The following PCDHGA3 variants were observed in gnomAD, a reference collection of about 807,000 sequenced individuals.
PCDHGA3 encodes protocadherin gamma-A3.
Under a neutral mutation model 58.5 loss-of-function variants are expected in PCDHGA3, and 40 were observed. That is an observed-to-expected ratio of 0.68 (90% CI 0.53 to 0.89). The LOEUF (loss-of-function observed/expected upper bound fraction) is 0.89, where lower values mean the gene tolerates loss of function less well. Ranked by LOEUF, PCDHGA3 falls within the 40% of genes least tolerant of loss-of-function variation. The pLI, the probability that PCDHGA3 is intolerant of heterozygous loss-of-function variation, is 0.00. For missense variants in PCDHGA3, 1,223 were observed against 1,195.9 expected, an observed-to-expected ratio of 1.02 and a Z score of -0.33; for synonymous variants, 530 against 525.7, an observed-to-expected ratio of 1.01 and a Z score of -0.11.
At chr5:141,454,344 G>A (rs1455147295) in intron 1 of PCDHGA3, among the ~76,000 whole-genome samples, 3 of 152,236 alleles carry the variant, frequency 2.0e-5, no homozygotes, top group Non-Finnish European at 4.4e-5. Flanking sequence ...AATGTTGGAA[G>A]TTGATCCAAA....
chr5:141,399,797 G>T, intron 1 of PCDHGA3: 2 of 1,613,192 alleles, frequency 1.2e-6, no homozygotes, highest in Non-Finnish European at 8.5e-7. Context: ...AACGCACCGC[G>T]GGTGCTGTAC....
At chr5:141,366,695 G>A (rs1764747221) in intron 1 of PCDHGA3, 2 of 1,614,238 alleles carry the variant, frequency 1.2e-6, no homozygotes, top group Non-Finnish European at 8.5e-7. Context: ...TGAGAAAAGC[G>A]AGCCTCTTCT....
chr5:141,423,574 C>T (rs953989787), intron 1 of PCDHGA3: 2 of 1,613,328 alleles, frequency 1.2e-6, no homozygotes, highest in Non-Finnish European at 1.7e-6. Flanking sequence ...GCTCATCAGC[C>T]AGGAGAGCTG....
At chr5:141,407,535 T>C (rs1471174995) in intron 1 of PCDHGA3, among the ~76,000 whole-genome samples, 1 of 151,840 alleles carries the variant, frequency 6.6e-6, no homozygotes, top group Non-Finnish European at 1.5e-5. Context: ...TTATTGTGCA[T>C]TGGTAACAGA....
At chr5:141,355,767 T>G (rs1267055965) in intron 1 of PCDHGA3, 2 of 1,613,898 alleles carry the variant, frequency 1.2e-6, no homozygotes, top group East Asian at 4.5e-5. Context: ...CCGATGGGAT[T>G]AAGTACCCAG....
chr5:141,361,524 GA>G, intron 1 of PCDHGA3: 1 of 1,614,056 alleles, frequency 6.2e-7, no homozygotes, highest in Non-Finnish European at 8.5e-7. Context: ...ACGTGGCAGA[GA>G]ACAATCCTCC....
At chr5:141,433,253 G>C (rs1288721469) in intron 1 of PCDHGA3, 1 of 1,416,466 alleles carries the variant, frequency 7.1e-7, no homozygotes, top group East Asian at 2.3e-5. Flanking sequence ...GAATGCAGCG[G>C]TACGATCATA....
intron 1 of PCDHGA3, chr5:141,372,498 C>A: frequency 6.2e-7 from 1 of 1,614,054 alleles, no homozygotes; most frequent in Admixed American, 1.7e-5. Context: ...GATCTCAGTG[C>A]TCTTCCTCCT....
At chr5:141,395,815 A>T (rs1243382510) in intron 1 of PCDHGA3, 1 of 152,044 alleles carries the variant, frequency 6.6e-6, no homozygotes, top group Non-Finnish European at 1.5e-5. Context: ...AAACATGAAC[A>T]AACTTTAAAG....
At position 141,345,887 on chromosome 5, in the gene PCDHGA3, G is replaced by A. The variant is rs749950943; in HGVS notation, c.1854G>A (p.Ser618=). ...LLKASEPGLF[S]VGLHTGEVRT... ...AGGCCAGCGAGCCGGGACTCTTCTC[G>A]GTGGGTCTGCACACGGGCGAGGTGC... The change falls in exon 1 of 4, where the codon TCG becomes TCA. Residue 618 remains serine, a synonymous_variant. Coordinates refer to ENST00000253812, the MANE Select transcript of PCDHGA3 (RefSeq NM_018916.4). 2.5e-6 allele frequency: 4 copies of A among 1,613,292 alleles called. No homozygotes were observed. The highest frequency in any genetic ancestry group is 3.3e-5 in the Admixed American group (2 of 59,974).
chr5:141,430,795 G>T (rs918154748), intron 1 of PCDHGA3: 7 of 1,522,458 alleles, frequency 4.6e-6, no homozygotes, highest in Non-Finnish European at 6.2e-6. Flanking sequence ...ACTACAAAGG[G>T]CTTGTCCTGC....
chr5:141,470,650 T>C (rs2099235744), intron 1 of PCDHGA3, among the ~76,000 whole-genome samples: 1 of 152,184 alleles, frequency 6.6e-6, no homozygotes, highest in Non-Finnish European at 1.5e-5. Context: ...TGAAGGCCCC[T>C]ACCCTTTGGT....
chr5:141,425,057 C>T (rs926732426), intron 1 of PCDHGA3, among the ~76,000 whole-genome samples: 4 of 152,026 alleles, frequency 2.6e-5, no homozygotes, highest in African/African-American at 4.8e-5. Flanking sequence ...ATCTAGGGCT[C>T]GGACAAAAAT....
At chr5:141,429,045 G>C (rs919761577) in intron 1 of PCDHGA3, 15 of 151,954 alleles carry the variant, frequency 9.9e-5, no homozygotes, top group African/African-American at 2.9e-4. Context: ...TAGTACAGAC[G>C]GGGTTTCACC....
intron 1 of PCDHGA3, chr5:141,395,843 A>T (rs570175269): frequency 2.0e-5 from 3 of 152,044 alleles, no homozygotes; most frequent in Non-Finnish European, 4.4e-5. Flanking sequence ...TTGGTGGGAG[A>T]TGAGACTGGT....
rs145569377 is a variant in PCDHGA3 at position 141,455,860 on chromosome 5, ATTATTTATTTATTTATTTATTTATTTAT to A, written c.2425-38920_2425-38893del. Among the ~76,000 whole-genome samples the A allele has an allele frequency of 5.0e-5, 7 of 139,848 alleles. No individual in the cohort carries two copies. The South Asian group carries it at 9.2e-4, about 18-fold the overall frequency. 91.7% of individuals were successfully genotyped at this position (139,848 alleles called of 152,430 possible). On this transcript the variant is annotated intron_variant, in intron 1 of 3. Transcript: ENST00000253812. ...CTATCTGCATAAAATAATTTCTTTT[ATTATTTATTTATTTATTTATTTATTTAT>A]TTATTTATTTATTTATTTATTTATT...
intron 1 of PCDHGA3, chr5:141,362,538 C>T (rs1762553339): frequency 6.2e-7 from 1 of 1,613,736 alleles, no homozygotes; most frequent in South Asian, 1.1e-5. Context: ...TCCCTTTTGC[C>T]TCAGATACTA....
intron 1 of PCDHGA3, chr5:141,355,353 C>A (rs1329222262): frequency 6.2e-7 from 1 of 1,614,006 alleles, no homozygotes; most frequent in Non-Finnish European, 8.5e-7. Context: ...TCGCCAAGGA[C>A]CTGGGGTTGG....
intron 1 of PCDHGA3, chr5:141,478,777 C>T: frequency 6.7e-7 from 1 of 1,488,806 alleles, no homozygotes. Context: ...CATCTGTGGA[C>T]CTAATTCACA....
Sources: allele counts gnomAD v4.1 joint callset (sites outside exome capture counted in the v4.1 genomes callset), GRCh38; gene constraint gnomAD v4.1.1; transcripts MANE v1.5; gene names NCBI Gene and HGNC (gene_info 2026-07-23, HGNC 2026-07-21).